The following HELZ2 variants were observed in gnomAD, a reference collection of about 807,000 sequenced individuals.
HELZ2 encodes the protein helicase with zinc finger 2.
HELZ2 carries 143 observed loss-of-function variants against 208.8 expected under a neutral mutation model. That is an observed-to-expected ratio of 0.68 (90% CI 0.60 to 0.79). The LOEUF (loss-of-function observed/expected upper bound fraction) is 0.79, where lower values mean the gene tolerates loss of function less well. Among genes scored for constraint, HELZ2 ranks in the 30% least tolerant of loss-of-function variants. HELZ2 has a pLI of 0.00. For missense variants in HELZ2, 3,690 were observed against 3,794.5 expected, an observed-to-expected ratio of 0.97 and a Z score of 0.72; for synonymous variants, 1,705 against 1,693.7, an observed-to-expected ratio of 1.01 and a Z score of -0.16.
At chr20:63,563,688 G>A (rs1312388731) in exon 8 of HELZ2, 4 of 1,580,028 alleles carry the variant, frequency 2.5e-6, no homozygotes, top group African/African-American at 2.7e-5. Context: ...GCGTGCTGGA[G>A]GCTGAAGGCC....
exon 8 of HELZ2, chr20:63,565,882 T>C (rs1388711897): frequency 6.3e-7 from 1 of 1,597,482 alleles, no homozygotes; most frequent in Admixed American, 1.7e-5. Flanking sequence ...GGTCCCCTAC[T>C]GGCTCTGGGG....
chr20:63,568,283 G>C, intron 5 of HELZ2, 75 bp downstream of exon 6: 1 of 1,138,162 alleles, frequency 8.8e-7, no homozygotes. Flanking sequence ...AGCACATCCA[G>C]GGGGTGACCG....
At chr20:63,566,218 C>T (rs1476324123) in exon 8 of HELZ2, 1 of 1,488,596 alleles carries the variant, frequency 6.7e-7, no homozygotes, top group Admixed American at 2.2e-5. Context: ...GCACCACGAC[C>T]CGGAACTGCC....
chr20:63,570,942 C>T, intron 1 of HELZ2, 74 bp from the exon 3 acceptor site: 6 of 1,216,450 alleles, frequency 4.9e-6, no homozygotes, highest in Non-Finnish European at 3.5e-6. Context: ...CGGGACCCCT[C>T]AGCCCAATAC....
At position 63,565,606 on chromosome 20, in the gene HELZ2, GT is replaced by G; in HGVS notation, c.3215del (p.Asp1072AlafsTer14). ...CGTCCAGAAGCTCCCGTAGGATGGCGTCGTCAGCGTTGAGCTCCCCGTCCCA... is the reference window on the plus strand; with the variant it reads ...CGTCCAGAAGCTCCCGTAGGATGGCGCGTCAGCGTTGAGCTCCCCGTCCCA... On this transcript the variant is annotated frameshift_variant, in exon 8 of 19. Transcript: ENST00000467148. LOFTEE classifies it high-confidence loss of function. 1 of 1,610,134 alleles carries G rather than the reference GT, an allele frequency of 6.2e-7. No individual in the cohort carries two copies. Among genetic ancestry groups the G allele is most frequent in the Non-Finnish European group, 8.5e-7 (1 of 1,179,850 alleles).
At chr20:63,563,177 G>A (rs778369041) in exon 8 of HELZ2, 10 of 1,592,548 alleles carry the variant, frequency 6.3e-6, no homozygotes, top group Non-Finnish European at 3.4e-6. Flanking sequence ...CACCTGCAGG[G>A]TGTCCCCACT....
In HELZ2 at chr20:63,560,161, C is replaced by G. The variant is rs1302792142; in HGVS notation, c.7657+10G>C. ...CCCTCCCGGCCCCACCCACGAGCCCCCAGCCTCACCCTGGCTCTTGGTGAT... is the reference window on the plus strand; with the variant it reads ...CCCTCCCGGCCCCACCCACGAGCCCGCAGCCTCACCCTGGCTCTTGGTGAT... On this transcript the variant is annotated intron_variant, in intron 17 of 18. Coordinates refer to ENST00000467148, the Ensembl canonical transcript of HELZ2. The G allele has an allele frequency of 3.9e-6, 6 of 1,551,934 alleles. No homozygotes were observed. Among genetic ancestry groups the G allele is most frequent in the African/African-American group, 1.4e-5 (1 of 73,636 alleles).
Position 63,562,228 on chromosome 20 carries a change from C to T in HELZ2, c.6398-25G>A, listed in dbSNP as rs780289274. 7 of 1,610,028 alleles carry T rather than the reference C, an allele frequency of 4.3e-6. No homozygotes were observed. The African/African-American group carries it at 5.3e-5, about 12-fold the overall frequency. On this transcript the variant is annotated intron_variant, in intron 9 of 18. Coordinates refer to ENST00000467148, the Ensembl canonical transcript of HELZ2. ...ACTGAGAGGGGGCAGCCTCCCTGAGCACTCATGCAGGGTGGGGCTGGGGGC... is the reference window on the plus strand; with the variant it reads ...ACTGAGAGGGGGCAGCCTCCCTGAGTACTCATGCAGGGTGGGGCTGGGGGC...
exon 8 of HELZ2, chr20:63,562,899 C>A: frequency 6.3e-7 from 1 of 1,599,684 alleles, no homozygotes; most frequent in South Asian, 1.1e-5. Context: ...GTCCGTGACG[C>A]CTCCCAGGAG....
At chr20:63,565,010 A>G (rs2082935469) in exon 8 of HELZ2, 8 of 1,591,802 alleles carry the variant, frequency 5.0e-6, no homozygotes, top group Non-Finnish European at 6.9e-6. Context: ...TTGCCGCCAC[A>G]GGACAATTTG....
chr20:63,561,381 C>T (rs2082885030), exon 13 of HELZ2: 2 of 1,613,086 alleles, frequency 1.2e-6, no homozygotes, highest in Non-Finnish European at 1.7e-6. Context: ...AAGAGCTCCC[C>T]TCTCTGCAGC....
At chr20:63,561,521 G>A in intron 12 of HELZ2, 55 bp from the exon 14 acceptor site, 1 of 1,576,054 alleles carries the variant, frequency 6.3e-7, no homozygotes, top group South Asian at 1.2e-5. Flanking sequence ...CGGGGGCAGA[G>A]CTCAGTGAGA....
At chr20:63,570,837 T>G in exon 2 of HELZ2, 1 of 1,603,730 alleles carries the variant, frequency 6.2e-7, no homozygotes, top group Non-Finnish European at 8.5e-7. Flanking sequence ...TGTGCCTTGG[T>G]GCAGGCGTCC....
At chr20:63,559,574 TGGG>T (rs769200641) in intron 18 of HELZ2, among the ~76,000 whole-genome samples, 1 of 54,584 alleles carries the variant, frequency 1.8e-5, no homozygotes, top group African/African-American at 6.2e-5. Flanking sequence ...CAGGGTCAGG[TGGG>T]AGGAGTCAGG....
chr20:63,567,049 T>G, exon 6 of HELZ2: 1 of 1,612,122 alleles, frequency 6.2e-7, no homozygotes, highest in Non-Finnish European at 8.5e-7. Flanking sequence ...GGGCGGAACC[T>G]TGCCCCTGGC....
chr20:63,562,606 G>A, exon 8 of HELZ2: 2 of 1,596,596 alleles, frequency 1.3e-6, no homozygotes, highest in Non-Finnish European at 1.7e-6. Context: ...CCATGCCCAT[G>A]TGGTGGACGA....
At chr20:63,559,733 TGGG>T (rs2082862330) in intron 18 of HELZ2, among the ~76,000 whole-genome samples, 192 bp downstream of exon 19, 1 of 83,604 alleles carries the variant, frequency 1.2e-5, no homozygotes, top group Non-Finnish European at 2.5e-5. Flanking sequence ...CAGGGTCAGG[TGGG>T]AGGAGTCAGG....
chr20:63,560,234 T>C (rs774536966), exon 17 of HELZ2: 11 of 1,559,912 alleles, frequency 7.1e-6, no homozygotes, highest in Middle Eastern at 1.8e-4. Flanking sequence ...AGGGCCTTGC[T>C]GATCTCAGAG....
At chr20:63,568,473 G>T in exon 5 of HELZ2, 1 of 1,593,546 alleles carries the variant, frequency 6.3e-7, no homozygotes, top group Non-Finnish European at 8.5e-7. Context: ...ATGAGTAGCG[G>T]GGGGACACGC....
Sources: gnomAD v4.1 joint callset for allele counts (sites outside exome capture counted in the v4.1 genomes callset) on GRCh38, gnomAD v4.1.1 for gene constraint, MANE v1.5 for transcripts, NCBI Gene and HGNC (gene_info 2026-07-23, HGNC 2026-07-21) for gene names.